The following SLC25A21 variants were observed in gnomAD, a reference collection of about 807,000 sequenced individuals.
SLC25A21 encodes mitochondrial 2-oxodicarboxylate carrier.
SLC25A21 carries 47 observed loss-of-function variants against 43.8 expected under a neutral mutation model. The ratio of observed to expected loss-of-function variants is 1.07; its 90% CI spans 0.85 to 1.37. The LOEUF (loss-of-function observed/expected upper bound fraction) is 1.37. Ranked by LOEUF, SLC25A21 falls within the 40% of genes most tolerant of loss-of-function variation. The pLI is 0.00. For missense variants in SLC25A21, 352 were observed against 350.2 expected, an observed-to-expected ratio of 1.00 and a Z score of -0.04; for synonymous variants, 131 against 121.3, an observed-to-expected ratio of 1.08 and a Z score of -0.52.
At chr14:37,033,574 A>G (rs1272450778) in intron 1 of SLC25A21, among the ~76,000 whole-genome samples, 35 of 152,232 alleles carry the variant, frequency 2.3e-4, no homozygotes, top group Non-Finnish European at 1.2e-4. Context: ...TAGCACACCT[A>G]GTGAAAATCA....
intron 1 of SLC25A21, among the ~76,000 whole-genome samples, chr14:36,930,692 T>C (rs912971852): frequency 7.9e-5 from 12 of 152,108 alleles, no homozygotes; most frequent in South Asian, 4.1e-4. Flanking sequence ...TTCTCACCTT[T>C]CTACATAAAA....
intron 1 of SLC25A21, among the ~76,000 whole-genome samples, chr14:37,031,289 C>T (rs965188489): frequency 3.3e-5 from 5 of 152,124 alleles, no homozygotes; most frequent in African/African-American, 1.2e-4. Flanking sequence ...AGCATATGTT[C>T]CATTCATTTC....
chr14:36,710,065 C>T (rs1428503244), intron 7 of SLC25A21, among the ~76,000 whole-genome samples: 1 of 152,062 alleles, frequency 6.6e-6, no homozygotes, highest in Non-Finnish European at 1.5e-5. Context: ...CATTAAAAAA[C>T]GTTATTATTA....
chr14:37,078,228 AT>A (rs1289181603), intron 1 of SLC25A21, among the ~76,000 whole-genome samples: 1 of 152,156 alleles, frequency 6.6e-6, no homozygotes, highest in Non-Finnish European at 1.5e-5. Flanking sequence ...AAAGAAAAAT[AT>A]AGAGAAAATG....
At chr14:36,770,885 A>C (rs1050176951) in intron 3 of SLC25A21, among the ~76,000 whole-genome samples, 10 of 152,274 alleles carry the variant, frequency 6.6e-5, no homozygotes, top group African/African-American at 2.2e-4. Flanking sequence ...GACTTTGTGC[A>C]TATCTGTTTT....
chr14:36,680,738 G>GT lies in SLC25A21; in HGVS notation c.839-20dup, dbSNP rs146639486. 90,945 of 1,608,014 alleles carry GT rather than the reference G, an allele frequency of 0.057. 4,861 individuals carry two copies. Among genetic ancestry groups the GT allele is most frequent in the East Asian group, 0.32 (14,402 of 44,680 alleles). On this transcript the variant is annotated intron_variant, in intron 9 of 9. Transcript: ENST00000331299. ...GCACCACCTAGAAAAGAAAAGAGCT[G>GT]TTTTTTATTGCAAATCCTCTGGAAT...
At chr14:36,732,587 T>C (rs1409616932) in intron 4 of SLC25A21, among the ~76,000 whole-genome samples, 2 of 152,168 alleles carry the variant, frequency 1.3e-5, no homozygotes, top group Non-Finnish European at 2.9e-5. Context: ...AAACTTAAGA[T>C]TGTCTGTTTC....
At chr14:37,170,082 T>G (rs1053061168) in intron 1 of SLC25A21, among the ~76,000 whole-genome samples, 7 of 151,994 alleles carry the variant, frequency 4.6e-5, no homozygotes, top group Admixed American at 1.3e-4. Flanking sequence ...TGTCGCCAGG[T>G]TGGAGTGCAG....
intron 1 of SLC25A21, among the ~76,000 whole-genome samples, chr14:37,142,724 C>T (rs1359766976): frequency 6.6e-6 from 1 of 152,154 alleles, no homozygotes; most frequent in African/African-American, 2.4e-5. Flanking sequence ...CGAGGATACA[C>T]AACCACTGAA....
At chr14:36,802,616 A>C (rs1320156094) in intron 3 of SLC25A21, among the ~76,000 whole-genome samples, 1 of 152,142 alleles carries the variant, frequency 6.6e-6, no homozygotes, top group Non-Finnish European at 1.5e-5. Context: ...ACCCCAAGGT[A>C]AGTGTTGTTA....
chr14:36,694,744 C>G (rs1882943467), intron 7 of SLC25A21, among the ~76,000 whole-genome samples: 1 of 152,168 alleles, frequency 6.6e-6, no homozygotes. Flanking sequence ...CCTTTGCCCA[C>G]TTTTTCATGA....
At chr14:36,734,953 A>G (rs1004773474) in intron 3 of SLC25A21, among the ~76,000 whole-genome samples, 2 of 152,200 alleles carry the variant, frequency 1.3e-5, no homozygotes, top group Non-Finnish European at 2.9e-5. Context: ...GGTTAGGATT[A>G]TACCTGAACC....
intron 2 of SLC25A21, among the ~76,000 whole-genome samples, chr14:36,837,564 C>T (rs1889251552): frequency 1.3e-5 from 2 of 152,138 alleles, no homozygotes; most frequent in Admixed American, 1.3e-4. Context: ...TGCCAGAGAA[C>T]AGGCCCTGGA....
rs780704367 is a variant in SLC25A21, at chr14:36,678,564, C to T, written c.*2094G>A. ...TGGTGGAGACTTCTTTAAAACCATA[C>T]CATACAGGGACTCTCCTGTCATCTG... On this transcript the variant is annotated 3_prime_UTR_variant, in exon 10 of 10. Transcript: ENST00000331299. 1.8e-5 allele frequency: 27 copies of T among 1,534,984 alleles called. No individual in the cohort carries two copies. Among genetic ancestry groups the T allele is most frequent in the Non-Finnish European group, 2.4e-5 (27 of 1,145,840 alleles).
intron 1 of SLC25A21, among the ~76,000 whole-genome samples, chr14:36,987,189 A>G (rs1960164584): frequency 6.6e-6 from 1 of 152,160 alleles, no homozygotes; most frequent in Non-Finnish European, 1.5e-5. Context: ...CCTTAATTTG[A>G]CACATGGGAA....
At chr14:37,018,967 G>C (rs1960924290) in intron 1 of SLC25A21, among the ~76,000 whole-genome samples, 1 of 151,978 alleles carries the variant, frequency 6.6e-6, no homozygotes. Flanking sequence ...GTTTATCCCA[G>C]GATCTACAGT....
intron 3 of SLC25A21, among the ~76,000 whole-genome samples, chr14:36,787,218 A>G (rs1887283139): frequency 6.6e-6 from 1 of 152,218 alleles, no homozygotes; most frequent in African/African-American, 2.4e-5. Flanking sequence ...CCATTGAGAT[A>G]GAGTCGGTAA....
At chr14:37,080,529 G>C (rs559791205) in intron 1 of SLC25A21, among the ~76,000 whole-genome samples, 2 of 152,302 alleles carry the variant, frequency 1.3e-5, no homozygotes, top group South Asian at 4.1e-4. Flanking sequence ...GAGCCCAGGA[G>C]GTCGAGACTG....
chr14:37,015,012 T>C (rs1328498394), intron 1 of SLC25A21, among the ~76,000 whole-genome samples: 1 of 152,090 alleles, frequency 6.6e-6, no homozygotes, highest in Non-Finnish European at 1.5e-5. Flanking sequence ...GTTCCATTTA[T>C]AGGGCACAGC....
Sources: gnomAD v4.1 joint callset for allele counts (sites outside exome capture counted in the v4.1 genomes callset) on GRCh38, gnomAD v4.1.1 for gene constraint, MANE v1.5 for transcripts, NCBI Gene and HGNC (gene_info 2026-07-23, HGNC 2026-07-21) for gene names.